FOXP1: variants seen among roughly 807,000 people sequenced by gnomAD.
The protein encoded by FOXP1 is forkhead box protein P1.
A neutral mutation model predicts 98.2 loss-of-function variants in FOXP1; 15 were observed. The observed-to-expected ratio is 0.15, with a 90% CI of 0.10 to 0.24. The LOEUF is 0.24. Ranked by LOEUF, FOXP1 falls within the 10% of genes least tolerant of loss-of-function variation. The pLI, the probability that FOXP1 is intolerant of heterozygous loss-of-function variation, is 1.00. For synonymous variants in FOXP1, 371 were observed against 314.5 expected (o/e 1.18, Z -1.90); for missense variants, 633 against 848.5 (o/e 0.75, Z 3.15).
intron 3 of FOXP1, among the ~76,000 whole-genome samples, chr3:71,488,278 T>C (rs1209130130): frequency 6.6e-6 from 1 of 152,212 alleles, no homozygotes; most frequent in African/African-American, 2.4e-5. Flanking sequence ...AATCTTAAAA[T>C]AGGAGTTGGG....
intron 5 of FOXP1, among the ~76,000 whole-genome samples, chr3:71,208,197 T>C (rs1180663829): frequency 6.6e-6 from 1 of 152,162 alleles, no homozygotes; most frequent in African/African-American, 2.4e-5. Flanking sequence ...ATCCAAGGAT[T>C]GTACCTTTCA....
chr3:71,272,009 C>A (rs1043078721), intron 5 of FOXP1, among the ~76,000 whole-genome samples: 1 of 152,198 alleles, frequency 6.6e-6, no homozygotes, highest in African/African-American at 2.4e-5. Flanking sequence ...AAGAGTCTCA[C>A]TGGGGACATA....
intron 11 of FOXP1, among the ~76,000 whole-genome samples, chr3:71,025,821 A>G (rs1335904168): frequency 6.6e-6 from 1 of 152,202 alleles, no homozygotes; most frequent in Non-Finnish European, 1.5e-5. Flanking sequence ...ATGAGTTTGA[A>G]AACTTCACAG....
At chr3:71,376,658 C>A (rs1191296206) in intron 3 of FOXP1, among the ~76,000 whole-genome samples, 2 of 152,224 alleles carry the variant, frequency 1.3e-5, no homozygotes, top group African/African-American at 2.4e-5. Flanking sequence ...CGGGAAACAA[C>A]ACCATCAGCT....
At chr3:71,394,898 C>T (rs1386453102) in intron 3 of FOXP1, among the ~76,000 whole-genome samples, 1 of 151,844 alleles carries the variant, frequency 6.6e-6, no homozygotes, top group Non-Finnish European at 1.5e-5. Flanking sequence ...GTCGGGAGTT[C>T]GAGACCAGCC....
chr3:71,256,657 C>T (rs1018287196), intron 5 of FOXP1, among the ~76,000 whole-genome samples: 3 of 152,156 alleles, frequency 2.0e-5, no homozygotes, highest in Non-Finnish European at 4.4e-5. Context: ...GCTGGGATTA[C>T]AGGCGTGAGC....
At chr3:71,385,059 G>A (rs938522001) in intron 3 of FOXP1, among the ~76,000 whole-genome samples, 4 of 151,808 alleles carry the variant, frequency 2.6e-5, no homozygotes, top group Non-Finnish European at 5.9e-5. Flanking sequence ...CCTGAAGTGT[G>A]TGCTGTTAAC....
intron 3 of FOXP1, among the ~76,000 whole-genome samples, chr3:71,425,738 T>TAA (rs369833516): frequency 9.1e-5 from 13 of 142,620 alleles, no homozygotes; most frequent in African/African-American, 3.1e-4. Flanking sequence ...TCAAACCACT[T>TAA]AAAAAAAAAA....
chr3:71,040,047 CT>C (rs1327743661), intron 11 of FOXP1, among the ~76,000 whole-genome samples: 2 of 151,930 alleles, frequency 1.3e-5, no homozygotes, highest in African/African-American at 4.8e-5. Context: ...ATCCTCAACT[CT>C]GGTAACCACT....
In FOXP1 at chr3:70,956,415, CTTT is replaced by C. The variant is rs112098084; in HGVS notation, c.*2829_*2831del. 916 of 184,710 alleles carry C rather than the reference CTTT, an allele frequency of 5.0e-3. No homozygotes were observed. Among genetic ancestry groups the C allele is most frequent in the Middle Eastern group, 0.018 (11 of 620 alleles). The allele number at this position is 184,710 out of a possible 1,614,324, so 11.4% of individuals were successfully genotyped here. ...CAAAGATATGTAAAATCTAATTTTT[CTTT>C]TTTTTTTTTTTTTGCTACAGTCTTT... On this transcript the variant is annotated 3_prime_UTR_variant, in exon 21 of 21. Transcript: ENST00000649528.
At chr3:71,203,831 C>A (rs914390596) in intron 5 of FOXP1, among the ~76,000 whole-genome samples, 6 of 152,170 alleles carry the variant, frequency 3.9e-5, no homozygotes, top group Non-Finnish European at 7.4e-5. Flanking sequence ...AGTCCACCCC[C>A]CATCCGAAAA....
rs1369750951 is a variant in FOXP1 at position 71,082,350 on chromosome 3, A to C, written c.283-28577T>G. Among the ~76,000 whole-genome samples the C allele has an allele frequency of 2.0e-5, 3 of 152,066 alleles. No individual in the cohort carries two copies. In the East Asian group the frequency reaches 5.8e-4, roughly 29 times the overall value. On this transcript the variant is annotated intron_variant, in intron 7 of 20. Transcript: ENST00000649528. ...GAACATACTAGTCTGTGAAATGGGCATCATATGAAAGCCACCACATAAATT... is the reference window on the plus strand; with the variant it reads ...GAACATACTAGTCTGTGAAATGGGCCTCATATGAAAGCCACCACATAAATT...
intron 6 of FOXP1, among the ~76,000 whole-genome samples, chr3:71,152,577 T>A (rs542558882): frequency 2.2e-4 from 34 of 152,268 alleles, no homozygotes; most frequent in African/African-American, 7.7e-4. Context: ...GGGGGACAGC[T>A]GTGGCTCTGA....
At chr3:70,974,769 C>A (rs140500234) in intron 17 of FOXP1, among the ~76,000 whole-genome samples, 71 of 152,262 alleles carry the variant, frequency 4.7e-4, no homozygotes, top group African/African-American at 1.7e-3. Context: ...TGCTCCTAAT[C>A]CTAATCACTG....
chr3:71,276,068 G>A (rs1336686997), intron 5 of FOXP1: 1 of 152,056 alleles, frequency 6.6e-6, no homozygotes, highest in Non-Finnish European at 1.5e-5. Context: ...CACCCAAAAA[G>A]CCAATGATTA....
chr3:71,351,408 G>A (rs2107841826), intron 4 of FOXP1, among the ~76,000 whole-genome samples: 1 of 152,296 alleles, frequency 6.6e-6, no homozygotes, highest in South Asian at 2.1e-4. Flanking sequence ...GTGTTAACAA[G>A]GCAATATGAA....
At chr3:71,268,587 C>A (rs1055169890) in intron 5 of FOXP1, among the ~76,000 whole-genome samples, 4 of 152,102 alleles carry the variant, frequency 2.6e-5, no homozygotes, top group Admixed American at 6.5e-5. Context: ...CTTGGAGACA[C>A]ATCATGCCAG....
At chr3:71,047,600 T>C (rs573877484) in intron 9 of FOXP1, among the ~76,000 whole-genome samples, 1 of 152,350 alleles carries the variant, frequency 6.6e-6, no homozygotes, top group South Asian at 2.1e-4. Flanking sequence ...CTTCATCTAA[T>C]ATTGTTAATT....
chr3:71,433,380 C>G (rs1030075809), intron 3 of FOXP1, among the ~76,000 whole-genome samples: 2 of 152,156 alleles, frequency 1.3e-5, no homozygotes, highest in African/African-American at 4.8e-5. Flanking sequence ...TCTATCAGAA[C>G]AGAGCAAGGG....
Sources: gnomAD v4.1 joint callset for allele counts (sites outside exome capture counted in the v4.1 genomes callset) on GRCh38, gnomAD v4.1.1 for gene constraint, MANE v1.5 for transcripts, NCBI Gene and HGNC (gene_info 2026-07-23, HGNC 2026-07-21) for gene names.